The following PTPRJ variants were observed in gnomAD, a reference collection of about 807,000 sequenced individuals.
The protein encoded by PTPRJ is receptor-type tyrosine-protein phosphatase eta.
PTPRJ carries 129 observed loss-of-function variants against 141.3 expected under a neutral mutation model. The ratio of observed to expected loss-of-function variants is 0.91; its 90% confidence interval spans 0.79 to 1.06. The LOEUF (loss-of-function observed/expected upper bound fraction) is 1.06. Ranked by LOEUF, PTPRJ falls within the 50% of genes least tolerant of loss-of-function variation. The pLI is 0.00. For synonymous variants in PTPRJ, 610 were observed against 640.5 expected (o/e 0.95, Z 0.72); for missense variants, 1,601 against 1,679.7 (o/e 0.95, Z 0.82).
chr11:47,998,966 C>T (rs200027718), intron 1 of PTPRJ, among the ~76,000 whole-genome samples: 2 of 152,194 alleles, frequency 1.3e-5, no homozygotes, highest in East Asian at 1.9e-4. Context: ...GTCTGACTAG[C>T]CTCAAGCCAG....
intron 1 of PTPRJ, among the ~76,000 whole-genome samples, chr11:48,092,147 T>G (rs1855880314): frequency 1.3e-5 from 2 of 151,496 alleles, no homozygotes; most frequent in Admixed American, 1.3e-4. Flanking sequence ...ATACAAAAAT[T>G]AGCCAGGGAT....
At chr11:48,049,119 C>CGA (rs1295646672) in intron 1 of PTPRJ, among the ~76,000 whole-genome samples, 1 of 152,108 alleles carries the variant, frequency 6.6e-6, no homozygotes, top group Non-Finnish European at 1.5e-5. Context: ...GCACTACTGA[C>CGA]GTTTGGAGTC....
intron 1 of PTPRJ, among the ~76,000 whole-genome samples, chr11:48,049,600 T>C (rs1386806189): frequency 6.7e-6 from 1 of 148,436 alleles, no homozygotes; most frequent in Non-Finnish European, 1.5e-5. Context: ...TGTAATTCCA[T>C]GTACTCGGGA....
chr11:48,076,871 C>CT (rs1218899948), intron 1 of PTPRJ, among the ~76,000 whole-genome samples: 1 of 148,358 alleles, frequency 6.7e-6, no homozygotes, highest in South Asian at 2.1e-4. Context: ...TTTTCTTTTT[C>CT]TTTTTTTGTT....
At chr11:47,981,040 G>A (rs1853889495) in intron 1 of PTPRJ, 32 bp downstream of exon 1, 2 of 1,211,054 alleles carry the variant, frequency 1.7e-6, no homozygotes, top group Non-Finnish European at 1.0e-6. Context: ...GCGGGGGGCA[G>A]GAGGCTGGGG....
intron 8 of PTPRJ, among the ~76,000 whole-genome samples, chr11:48,134,780 G>C (rs925301188): frequency 2.6e-5 from 4 of 152,190 alleles, no homozygotes; most frequent in African/African-American, 9.7e-5. Context: ...GGTGCAGGTG[G>C]CTGAGTGGGC....
At chr11:48,120,165 A>G (rs557131753) in intron 3 of PTPRJ, among the ~76,000 whole-genome samples, 1 of 152,354 alleles carries the variant, frequency 6.6e-6, no homozygotes, top group South Asian at 2.1e-4. Flanking sequence ...AGAGCTATCA[A>G]CAGAGAAACT....
At chr11:48,099,728 A>G (rs985514633) in intron 1 of PTPRJ, among the ~76,000 whole-genome samples, 4 of 152,206 alleles carry the variant, frequency 2.6e-5, no homozygotes, top group African/African-American at 9.6e-5. Flanking sequence ...GTACCTGCCC[A>G]ATGTGATTTG....
intron 1 of PTPRJ, among the ~76,000 whole-genome samples, chr11:48,059,758 G>A (rs1012855895): frequency 1.3e-5 from 2 of 152,206 alleles, no homozygotes; most frequent in South Asian, 2.1e-4. Flanking sequence ...TGATGAGGTA[G>A]CTACTGTTAG....
At chr11:48,147,994 G>A (rs1857392412) in intron 15 of PTPRJ, among the ~76,000 whole-genome samples, 4 of 151,840 alleles carry the variant, frequency 2.6e-5, no homozygotes, top group South Asian at 2.1e-4. Context: ...TACAGGCACC[G>A]CCACCACACC....
At chr11:48,012,031 T>G (rs181167152) in intron 1 of PTPRJ, among the ~76,000 whole-genome samples, 90 of 152,240 alleles carry the variant, frequency 5.9e-4, no homozygotes, top group African/African-American at 2.0e-3. Flanking sequence ...TCTGTTGAAG[T>G]GACAGAGTAC....
intron 22 of PTPRJ, among the ~76,000 whole-genome samples, chr11:48,162,514 G>A (rs980969203): frequency 1.3e-5 from 2 of 151,996 alleles, no homozygotes; most frequent in African/African-American, 4.8e-5. Flanking sequence ...CTGTGATGAG[G>A]TCTTCTAGCA....
intron 1 of PTPRJ, among the ~76,000 whole-genome samples, chr11:48,085,576 C>T (rs1387316574): frequency 6.6e-6 from 1 of 152,132 alleles, no homozygotes; most frequent in East Asian, 1.9e-4. Context: ...AACTCCTGAC[C>T]TCAGGTGATC....
At chr11:48,025,300 G>A (rs1319697372) in intron 1 of PTPRJ, among the ~76,000 whole-genome samples, 2 of 152,170 alleles carry the variant, frequency 1.3e-5, no homozygotes, top group African/African-American at 2.4e-5. Context: ...TACCCAAAGG[G>A]AGCAGCTGCC....
At chr11:48,026,181 C>A (rs995137662) in intron 1 of PTPRJ, among the ~76,000 whole-genome samples, 5 of 152,182 alleles carry the variant, frequency 3.3e-5, no homozygotes, top group African/African-American at 1.2e-4. Context: ...TCGAGTCTTA[C>A]TTACTGTGTC....
intron 24 of PTPRJ, 108 bp downstream of exon 24, chr11:48,164,623 G>C (rs1413906659): frequency 3.9e-5 from 47 of 1,208,428 alleles, no homozygotes; most frequent in Non-Finnish European, 4.9e-5. Flanking sequence ...CTGGAGTGCA[G>C]TGGCATGATC....
intron 15 of PTPRJ, among the ~76,000 whole-genome samples, chr11:48,148,125 G>A (rs747966538): frequency 7.9e-5 from 12 of 152,178 alleles, no homozygotes; most frequent in Non-Finnish European, 1.2e-4. Context: ...GATCACAGGC[G>A]TGAGCCCCTG....
At chr11:48,089,661 T>C (rs775422189) in intron 1 of PTPRJ, among the ~76,000 whole-genome samples, 5 of 152,240 alleles carry the variant, frequency 3.3e-5, no homozygotes, top group Non-Finnish European at 5.9e-5. Context: ...TGTCATAATG[T>C]CCGTATATAA....
chr11:48,155,863 A>G lies in PTPRJ; in HGVS notation c.3292A>G (p.Asn1098Asp). 1 of 1,605,218 alleles carries G rather than the reference A, an allele frequency of 6.2e-7. No individual in the cohort carries two copies. Reference protein sequence around the residue: ...THSTDDYINANYMPGYHSKKD... With the variant: ...THSTDDYINADYMPGYHSKKD... ...TTCAACGGATGACTACATCAATGCC[A>G]ACTACATGCCTGTAAGTTGGGGGAC... is the stretch of plus-strand genomic sequence containing the variant. Residue 1098 changes from asparagine (N) to aspartate (D), a missense_variant, in exon 20 of 25, where the codon AAC (asparagine) becomes GAC (aspartate). Coordinates refer to ENST00000418331, the MANE Select transcript of PTPRJ (RefSeq NM_002843.4).
Sources: gnomAD v4.1 joint callset for allele counts (sites outside exome capture counted in the v4.1 genomes callset) on GRCh38, gnomAD v4.1.1 for gene constraint, MANE v1.5 for transcripts, NCBI Gene and HGNC (gene_info 2026-07-23, HGNC 2026-07-21) for gene names.